Variants in FAM20A observed in about 807,000 individuals in gnomAD.
FAM20A encodes the protein pseudokinase FAM20A.
A neutral mutation model predicts 52.0 loss-of-function variants in FAM20A; 42 were observed. The ratio of observed to expected loss-of-function variants is 0.81; its 90% CI spans 0.63 to 1.04. The LOEUF (loss-of-function observed/expected upper bound fraction) is 1.04, where lower values mean the gene tolerates loss of function less well. Ranked by LOEUF, FAM20A falls within the 50% of genes least tolerant of loss-of-function variation. The pLI, the probability that FAM20A is intolerant of heterozygous loss-of-function variation, is 0.00. For missense variants in FAM20A, 742 were observed against 712.7 expected (o/e 1.04, Z -0.47); for synonymous variants, 304 against 298.9 (o/e 1.02, Z -0.18).
rs2286556 is a variant in FAM20A at position 68,537,838 on chromosome 17, C to G, written c.1362-97G>C. 412,102 of 1,346,190 alleles carry G rather than the reference C, an allele frequency of 0.31. 64,727 individuals carry two copies. The highest frequency in any genetic ancestry group is 0.53 in the East Asian group (21,331 of 40,080). The allele number at this position is 1,346,190 out of a possible 1,614,324, so 83.4% of individuals were successfully genotyped here. On this transcript the variant is annotated intron_variant, in intron 10 of 10. Coordinates refer to ENST00000592554, the MANE Select transcript of FAM20A (RefSeq NM_017565.4). This position sits in a 1 kb window ranked among gnomAD's most constrained non-coding sequence, Gnocchi z 4.2. Reference sequence around the variant, plus strand: ...ACAAACAGCTGTTGTAGCTGATACTCTTGGCGCCTCTCCTTGTGTCTTCTC... The same window carrying G: ...ACAAACAGCTGTTGTAGCTGATACTGTTGGCGCCTCTCCTTGTGTCTTCTC...
chr17:68,567,600 G>A (rs1252408523), intron 1 of FAM20A, among the ~76,000 whole-genome samples: 1 of 151,966 alleles, frequency 6.6e-6, no homozygotes, highest in African/African-American at 2.4e-5. Flanking sequence ...AGACAAAGAA[G>A]TCCTAGTCTT....
chr17:68,538,469 A>G (rs1568716630), intron 10 of FAM20A, among the ~76,000 whole-genome samples: 1 of 152,238 alleles, frequency 6.6e-6, no homozygotes, highest in Non-Finnish European at 1.5e-5. Flanking sequence ...TGAATATCAT[A>G]TTTATAATTA....
intron 1 of FAM20A, among the ~76,000 whole-genome samples, chr17:68,583,517 A>G (rs879608566): frequency 9.9e-5 from 15 of 152,228 alleles, no homozygotes; most frequent in South Asian, 4.2e-4. Flanking sequence ...TTCCTCATAT[A>G]AGGACACTTG....
At chr17:68,557,301 T>C (rs1207570184) in intron 1 of FAM20A, among the ~76,000 whole-genome samples, 1 of 152,196 alleles carries the variant, frequency 6.6e-6, no homozygotes, top group African/African-American at 2.4e-5. Context: ...GTGATCTTAG[T>C]GATTGCAATG....
chr17:68,600,643 G>T lies in FAM20A; in HGVS notation c.24C>A (p.Arg8=). ...CGCCCAGCAGCAGCAGAGTCAGTAG[G>T]CGGTCCCGGCGCAGCCCCGGCATGG... MPGLRRD[R]LLTLLLLGAL... is the part of the protein sequence containing the mutation. Residue 8 remains arginine, a synonymous_variant, in exon 1 of 11, where the codon CGC becomes CGA. Transcript: ENST00000592554. The surrounding 1 kb of genome is among the most constrained non-coding windows in gnomAD (Gnocchi z 6.2). 6.4e-7 allele frequency: 1 copy of T among 1,553,506 alleles called. No homozygotes were observed.
Position 68,600,631 on chromosome 17 carries a change from CAG to C in FAM20A, c.34_35del (p.Leu12AlafsTer67), listed in dbSNP as rs587776911. 15 of 1,560,256 alleles carry C rather than the reference CAG, an allele frequency of 9.6e-6. No individual in the cohort carries two copies. The highest frequency in any genetic ancestry group is 2.2e-4 in the Middle Eastern group (1 of 4,590). On this transcript the variant is annotated frameshift_variant, in exon 1 of 11. Coordinates refer to ENST00000592554, the MANE Select transcript of FAM20A (RefSeq NM_017565.4). LOFTEE classifies it high-confidence loss of function. This position sits in a 1 kb window ranked among gnomAD's most constrained non-coding sequence, Gnocchi z 6.2. ...PGLRRDRLLTLLLLGALLSAD... is the reference protein window; with the variant it reads ...PGLRRDRLLTXLLLGALLSAD... Reference sequence around the variant, plus strand: ...CGGAGAGCAGCGCGCCCAGCAGCAGCAGAGTCAGTAGGCGGTCCCGGCGCAGC... The same window carrying C: ...CGGAGAGCAGCGCGCCCAGCAGCAGCAGTCAGTAGGCGGTCCCGGCGCAGC...
At chr17:68,562,309 T>C (rs2087236433) in intron 1 of FAM20A, among the ~76,000 whole-genome samples, 1 of 152,246 alleles carries the variant, frequency 6.6e-6, no homozygotes, top group African/African-American at 2.4e-5. Context: ...TTAAGAGATA[T>C]CTCTATATGT....
intron 8 of FAM20A, 57 bp from the exon 9 acceptor site, chr17:68,540,023 TGACCTGA>T: frequency 6.7e-7 from 1 of 1,484,966 alleles, no homozygotes. Flanking sequence ...CAGGTGCTCC[TGACCTGA>T]GTTCTCTCCA....
chr17:68,569,069 A>G (rs1184922746), intron 1 of FAM20A, among the ~76,000 whole-genome samples: 1 of 151,920 alleles, frequency 6.6e-6, no homozygotes, highest in Non-Finnish European at 1.5e-5. Context: ...CAATTCTGAA[A>G]GCTTCTGTTC....
chr17:68,573,867 A>G (rs2087649980), intron 1 of FAM20A, among the ~76,000 whole-genome samples: 1 of 151,674 alleles, frequency 6.6e-6, no homozygotes, highest in Non-Finnish European at 1.5e-5. Context: ...TAGTAGACAC[A>G]GAGTTTCACC....
At chr17:68,572,004 ATATATATATATATATATATAT>A (rs1568762400) in intron 1 of FAM20A, among the ~76,000 whole-genome samples, 1 of 36,024 alleles carries the variant, frequency 2.8e-5, no homozygotes, top group African/African-American at 1.1e-4. Flanking sequence ...ATATATATAT[ATATATATATATATATATATAT>A]ATATATATAT....
At chr17:68,548,763 C>T (rs1784895155) in intron 4 of FAM20A, among the ~76,000 whole-genome samples, 1 of 128,254 alleles carries the variant, frequency 7.8e-6, no homozygotes, top group African/African-American at 3.0e-5. Context: ...GACAGAATCT[C>T]CCTCTGTCGC....
chr17:68,581,731 A>T (rs2088010800), intron 1 of FAM20A, among the ~76,000 whole-genome samples: 1 of 151,678 alleles, frequency 6.6e-6, no homozygotes. Flanking sequence ...GTGCACCACC[A>T]TGCCCGGCTA....
chr17:68,578,928 T>C (rs1169223152), intron 1 of FAM20A, among the ~76,000 whole-genome samples: 2 of 146,462 alleles, frequency 1.4e-5, no homozygotes, highest in Admixed American at 6.9e-5. Context: ...GGTAGAAGAA[T>C]TGTTTGAACC....
chr17:68,560,425 G>A (rs924364551), intron 1 of FAM20A, among the ~76,000 whole-genome samples: 1 of 151,940 alleles, frequency 6.6e-6, no homozygotes, highest in Non-Finnish European at 1.5e-5. Context: ...TCTATGAACC[G>A]GAAAGCAGGT....
At chr17:68,539,509 G>T in intron 9 of FAM20A, 113 bp from the exon 10 acceptor site, 8 of 945,860 alleles carry the variant, frequency 8.5e-6, no homozygotes, top group Non-Finnish European at 1.4e-5. Context: ...AAAATGCCAG[G>T]GATCATGGCA....
intron 1 of FAM20A, among the ~76,000 whole-genome samples, chr17:68,563,986 C>A (rs2087299523): frequency 6.6e-6 from 1 of 152,128 alleles, no homozygotes; most frequent in South Asian, 2.1e-4. Context: ...GAGAGGGTCA[C>A]AGAATGCACA....
chr17:68,546,205 C>G (rs959222548), intron 4 of FAM20A, among the ~76,000 whole-genome samples: 1 of 144,150 alleles, frequency 6.9e-6, no homozygotes, highest in Non-Finnish European at 1.5e-5. Context: ...AGCAGCAACT[C>G]TATCTGTTCA....
intron 1 of FAM20A, among the ~76,000 whole-genome samples, chr17:68,583,278 G>A (rs367649893): frequency 2.0e-5 from 3 of 152,216 alleles, no homozygotes; most frequent in South Asian, 2.1e-4. Context: ...ACTTAGTGGC[G>A]TAAATAACAA....
Sources: allele counts gnomAD v4.1 joint callset (sites outside exome capture counted in the v4.1 genomes callset), GRCh38; gene constraint gnomAD v4.1.1; non-coding constraint Gnocchi (gnomAD v3.1); transcripts MANE v1.5; gene names NCBI Gene and HGNC (gene_info 2026-07-23, HGNC 2026-07-21).